Variants in AFG1L observed in about 807,000 individuals in gnomAD.
AFG1L encodes the protein AFG1 like ATPase, also known as AFG1-like ATPase.
A neutral mutation model predicts 62.2 loss-of-function variants in AFG1L; 53 were observed. The ratio of observed to expected loss-of-function variants is 0.85; its 90% confidence interval spans 0.68 to 1.07. AFG1L has a LOEUF of 1.07. AFG1L is among the 50% of genes least tolerant of loss of function. AFG1L has a pLI of 0.00. For synonymous variants in AFG1L, 228 were observed against 210.3 expected (o/e 1.08, Z -0.73); for missense variants, 555 against 590.5 (o/e 0.94, Z 0.62).
At chr6:108,394,715 C>T (rs953484019) in intron 6 of AFG1L, among the ~76,000 whole-genome samples, 1 of 152,110 alleles carries the variant, frequency 6.6e-6, no homozygotes, top group Non-Finnish European at 1.5e-5. Context: ...ATTTGTTTAT[C>T]CATTCCCCTG....
intron 2 of AFG1L, among the ~76,000 whole-genome samples, chr6:108,332,840 C>T (rs926762384): frequency 1.3e-5 from 2 of 152,266 alleles, no homozygotes; most frequent in South Asian, 2.1e-4. Context: ...CTCCTGGCCT[C>T]AAGCAATTCA....
At chr6:108,355,820 T>C (rs1385222982) in intron 4 of AFG1L, 65 bp downstream of exon 4, 9 of 1,063,196 alleles carry the variant, frequency 8.5e-6, no homozygotes, top group Middle Eastern at 2.0e-4. Flanking sequence ...GTTTTCTTCA[T>C]TGAATGAACA....
intron 1 of AFG1L, among the ~76,000 whole-genome samples, chr6:108,298,620 G>GTT: frequency 6.6e-6 from 1 of 151,992 alleles, no homozygotes; most frequent in African/African-American, 2.4e-5. Flanking sequence ...GCCCTTATTG[G>GTT]TTTATGGTCT....
At chr6:108,465,369 A>G (rs1221820456) in intron 8 of AFG1L, among the ~76,000 whole-genome samples, 1 of 152,136 alleles carries the variant, frequency 6.6e-6, no homozygotes, top group Non-Finnish European at 1.5e-5. Context: ...ATATCTTTCA[A>G]TTATGTTTAC....
intron 7 of AFG1L, among the ~76,000 whole-genome samples, chr6:108,427,493 G>A (rs1770870271): frequency 6.7e-6 from 1 of 148,334 alleles, no homozygotes; most frequent in Non-Finnish European, 1.5e-5. Context: ...CAATATTTCT[G>A]TAGGTTAGAT....
chr6:108,444,881 A>G (rs967045660), intron 7 of AFG1L, among the ~76,000 whole-genome samples: 2 of 152,244 alleles, frequency 1.3e-5, no homozygotes, highest in African/African-American at 4.8e-5. Flanking sequence ...ACATCAAGTC[A>G]TCAGTTGCAT....
intron 2 of AFG1L, among the ~76,000 whole-genome samples, chr6:108,333,373 C>T (rs1778352485): frequency 1.3e-5 from 2 of 151,400 alleles, no homozygotes; most frequent in Non-Finnish European, 1.5e-5. Flanking sequence ...TCCGCCACTG[C>T]ACTCCAGCCT....
chr6:108,443,180 C>A (rs1373976400), intron 7 of AFG1L, among the ~76,000 whole-genome samples: 1 of 152,180 alleles, frequency 6.6e-6, no homozygotes, highest in Non-Finnish European at 1.5e-5. Context: ...CTGGCTCCCT[C>A]AGTAAGAGTG....
At chr6:108,354,613 A>G (rs1408471711) in intron 3 of AFG1L, among the ~76,000 whole-genome samples, 1 of 151,910 alleles carries the variant, frequency 6.6e-6, no homozygotes, top group Non-Finnish European at 1.5e-5. Context: ...CCTATATACT[A>G]TGTTTTTAAC....
chr6:108,476,945 T>A lies in AFG1L; in HGVS notation c.961+10T>A. ...CAGAAACAAAATGATTGTACGTAAG[T>A]TAATTTCTCTTGAAAGAGAATACAT... On this transcript the variant is annotated intron_variant, in intron 9 of 12. Coordinates refer to ENST00000368977, the MANE Select transcript of AFG1L (RefSeq NM_145315.5). 6.2e-7 allele frequency: 1 copy of A among 1,609,068 alleles called. No individual in the cohort carries two copies. The highest frequency in any genetic ancestry group is 8.5e-7 in the Non-Finnish European group (1 of 1,175,438).
chr6:108,331,259 C>G (rs1248285461), intron 2 of AFG1L, among the ~76,000 whole-genome samples: 1 of 152,182 alleles, frequency 6.6e-6, no homozygotes, highest in Non-Finnish European at 1.5e-5. Context: ...GCACTCCAGC[C>G]TGGGCAACAG....
chr6:108,401,909 G>A (rs1280383377), intron 6 of AFG1L, 87 bp from the exon 7 acceptor site: 4 of 632,070 alleles, frequency 6.3e-6, no homozygotes, highest in Non-Finnish European at 1.1e-5. Flanking sequence ...TTTTTAATCA[G>A]TAGAAAGCTT....
At chr6:108,441,289 T>G (rs912119169) in intron 7 of AFG1L, among the ~76,000 whole-genome samples, 2 of 152,172 alleles carry the variant, frequency 1.3e-5, no homozygotes, top group Admixed American at 6.5e-5. Flanking sequence ...TAAACTGCTT[T>G]AATACAGTTC....
intron 10 of AFG1L, among the ~76,000 whole-genome samples, chr6:108,506,374 A>T (rs1774421670): frequency 6.6e-6 from 1 of 152,068 alleles, no homozygotes; most frequent in Non-Finnish European, 1.5e-5. Context: ...CACCTGGCTA[A>T]CTTTGTGTAT....
rs368526749 is a variant in AFG1L, at chr6:108,389,630, C to T, written c.749-12366C>T. Among the ~76,000 whole-genome samples, 72 of 152,204 alleles carry T rather than the reference C, an allele frequency of 4.7e-4. No individual in the cohort carries two copies. The East Asian group carries it at 0.012, about 25-fold the overall frequency. ...TGTAAAGTATTTTATTTCTCCTTCA[C>T]TTATGAAGCTTAGTTTGGCTGGATA... On this transcript the variant is annotated intron_variant, in intron 6 of 12. Transcript: ENST00000368977.
intron 7 of AFG1L, among the ~76,000 whole-genome samples, chr6:108,422,994 C>G (rs1330039856): frequency 6.6e-6 from 1 of 152,018 alleles, no homozygotes; most frequent in Non-Finnish European, 1.5e-5. Flanking sequence ...AAGGCAACAC[C>G]TGAACATCTC....
chr6:108,485,649 T>TATATATATATATAC (rs1773532456), intron 10 of AFG1L, among the ~76,000 whole-genome samples: 1 of 23,894 alleles, frequency 4.2e-5, no homozygotes, highest in Non-Finnish European at 7.5e-5. Flanking sequence ...TATATATATA[T>TATATATATATATAC]ATATATATTT....
Position 108,402,047 on chromosome 6 carries a change from T to G in AFG1L, c.800T>G (p.Val267Gly). The change falls in exon 7 of 13, where the codon GTC becomes GGC. Residue 267 changes from valine (V) to glycine (G), a missense_variant. By Grantham distance (109) the Val-to-Gly change is moderately radical. Transcript: ENST00000368977. ...QRANFVPFIA[V>G]LKEYCNTVQL... ...GCTAACTTTGTACCATTCATAGCAG[T>G]CTTGAAGGTAAAAACAAATCATTTA... The G allele has an allele frequency of 6.7e-7, 1 of 1,496,240 alleles. No individual in the cohort carries two copies. The highest frequency in any genetic ancestry group is 2.4e-5 in the East Asian group (1 of 41,182). 92.7% of individuals were successfully genotyped at this position (1,496,240 alleles called of 1,614,324 possible).
intron 6 of AFG1L, among the ~76,000 whole-genome samples, chr6:108,377,790 A>G (rs915972317): frequency 7.1e-6 from 1 of 141,226 alleles, no homozygotes; most frequent in African/African-American, 2.6e-5. Flanking sequence ...CTGGATGTCT[A>G]CCTCCCTGGC....
Sources: allele counts gnomAD v4.1 joint callset (sites outside exome capture counted in the v4.1 genomes callset), GRCh38; gene constraint gnomAD v4.1.1; transcripts MANE v1.5; gene names NCBI Gene and HGNC (gene_info 2026-07-23, HGNC 2026-07-21).